The following RARB variants were observed in gnomAD, a reference collection of about 807,000 sequenced individuals.
The protein encoded by RARB is HBV-activated protein.
RARB carries 17 observed loss-of-function variants against 51.9 expected under a neutral mutation model. That is an observed-to-expected ratio of 0.33 (90% CI 0.22 to 0.49). The LOEUF (loss-of-function observed/expected upper bound fraction) is 0.49, where lower values mean the gene tolerates loss of function less well. RARB is among the 20% of genes least tolerant of loss of function. RARB has a pLI of 0.99. For missense variants in RARB, 369 were observed against 550.8 expected (o/e 0.67, Z 3.30); for synonymous variants, 215 against 195.4 (o/e 1.10, Z -0.84).
At chr3:25,440,741 C>G (rs1285773608) in intron 1 of RARB, among the ~76,000 whole-genome samples, 2 of 151,846 alleles carry the variant, frequency 1.3e-5, no homozygotes, top group Non-Finnish European at 2.9e-5. Context: ...CCACTGCACT[C>G]CAGTCTGGAT....
At chr3:25,316,825 A>G (rs1323879093) in intron 5 of RARB, among the ~76,000 whole-genome samples, 2 of 152,200 alleles carry the variant, frequency 1.3e-5, no homozygotes, top group African/African-American at 4.8e-5. Context: ...AATGGAACCG[A>G]TGACTATAAA....
chr3:25,409,205 A>G (rs1575379875), intron 5 of RARB, among the ~76,000 whole-genome samples: 2 of 152,214 alleles, frequency 1.3e-5, no homozygotes, highest in African/African-American at 4.8e-5. Flanking sequence ...AAAAATGTGT[A>G]GTTCATTAAT....
rs936249283 is a variant in RARB at position 25,150,101 on chromosome 3, T to C, written c.-280+17893T>C. ...CCTGTAATACCAGCTACTCGGAGGC[T>C]GAGGCAGAAGAATCGCTTGAACCTG... On this transcript the variant is annotated intron_variant, in intron 4 of 11. Transcript: ENST00000383772. Among the ~76,000 whole-genome samples the C allele has an allele frequency of 2.0e-5, 3 of 151,554 alleles. No homozygotes were observed. The East Asian group carries it at 5.8e-4, about 29-fold the overall frequency.
At chr3:24,966,249 G>T (rs1364085335) in intron 2 of RARB, among the ~76,000 whole-genome samples, 4 of 152,072 alleles carry the variant, frequency 2.6e-5, no homozygotes, top group African/African-American at 9.7e-5. Flanking sequence ...GGAGGGGGAG[G>T]TGAAAGAGAC....
At chr3:25,212,555 T>G (rs1264261121) in intron 5 of RARB, among the ~76,000 whole-genome samples, 1 of 152,010 alleles carries the variant, frequency 6.6e-6, no homozygotes, top group Non-Finnish European at 1.5e-5. Flanking sequence ...GAGGCGGAGG[T>G]TGCAGTGAGC....
chr3:25,120,226 A>ATGGCAAC (rs1267910901), intron 3 of RARB, among the ~76,000 whole-genome samples: 1 of 152,136 alleles, frequency 6.6e-6, no homozygotes, highest in Non-Finnish European at 1.5e-5. Context: ...AAGACGATAA[A>ATGGCAAC]TGGCAACTGA....
chr3:25,277,296 G>C (rs1703419310), intron 5 of RARB, among the ~76,000 whole-genome samples: 1 of 152,104 alleles, frequency 6.6e-6, no homozygotes, highest in Non-Finnish European at 1.5e-5. Flanking sequence ...GCGTAGCCTG[G>C]GACATGGAGT....
chr3:24,951,589 C>G (rs1343024584), intron 2 of RARB, among the ~76,000 whole-genome samples: 1 of 152,162 alleles, frequency 6.6e-6, no homozygotes, highest in East Asian at 1.9e-4. Flanking sequence ...TCTTACATCC[C>G]TCTACTAGGC....
In RARB at chr3:25,298,340, G is replaced by A. The variant is rs149535701; in HGVS notation, c.178+123765G>A. Among the ~76,000 whole-genome samples, 9 of 152,008 alleles carry A rather than the reference G, an allele frequency of 5.9e-5. No individual in the cohort carries two copies. The East Asian group carries it at 7.8e-4, about 13-fold the overall frequency. The stretch of plus-strand genomic sequence containing the variant: ...TGGGGTTACAGCCACGTGCCACCAC[G>A]CCTGGCTAATTTTTTATTTTTAGTA... On this transcript the variant is annotated intron_variant, in intron 5 of 11. Transcript: ENST00000383772.
chr3:24,972,218 C>T (rs1696415503), intron 2 of RARB, among the ~76,000 whole-genome samples: 1 of 151,976 alleles, frequency 6.6e-6, no homozygotes, highest in South Asian at 2.1e-4. Flanking sequence ...TTTTAGCTCC[C>T]ACATATGAGT....
rs950335483 is a variant in RARB at position 25,597,471 on chromosome 3, T to TTAAG, written c.*857_*860dup. On this transcript the variant is annotated 3_prime_UTR_variant, in exon 8 of 8. Coordinates refer to ENST00000330688, the MANE Select transcript of RARB (RefSeq NM_000965.5). The stretch of plus-strand genomic sequence containing the variant: ...TCCAAGGCAGAAACACTTTTCAGTG[T>TTAAG]TAAGTTTTTGTTTACTTGTTCACAA... 15 of 152,692 alleles carry TTAAG rather than the reference T, an allele frequency of 9.8e-5. No homozygotes were observed. Among genetic ancestry groups the TTAAG allele is most frequent in the African/African-American group, 2.2e-4 (9 of 41,562 alleles). 9.5% of individuals were successfully genotyped at this position (152,692 alleles called of 1,614,324 possible). A position where few individuals can be genotyped will look rare whatever the true frequency, so the allele number is the denominator to read the frequency against.
chr3:25,509,950 A>G (rs375670926), intron 3 of RARB, among the ~76,000 whole-genome samples: 12 of 151,282 alleles, frequency 7.9e-5, no homozygotes, highest in African/African-American at 2.9e-4. Context: ...CTCCCAACCA[A>G]CTCCTGTCCA....
intron 1 of RARB, chr3:25,441,351 A>C: frequency 2.9e-6 from 1 of 344,632 alleles, no homozygotes; most frequent in South Asian, 2.7e-5. Flanking sequence ...AAGTTTGCGA[A>C]TCAGTTCACT....
chr3:25,137,102 A>G (rs1350437957), intron 4 of RARB, among the ~76,000 whole-genome samples: 4 of 152,168 alleles, frequency 2.6e-5, no homozygotes, highest in Middle Eastern at 3.4e-3. Flanking sequence ...ATCTCAGGCT[A>G]TTTAATGCCG....
chr3:24,930,546 G>A (rs1451358759), intron 2 of RARB, among the ~76,000 whole-genome samples: 3 of 151,994 alleles, frequency 2.0e-5, no homozygotes, highest in South Asian at 2.1e-4. Context: ...CTCCTTCAAC[G>A]TTTTATCCCC....
rs763114876 is a variant in RARB, at chr3:24,891,335, G to A, written c.-380+32583G>A. ...TTCTAGCACCTAGCATGTCTACATT[G>A]GAAGCTTGTCTGTTCTGCTTACTAA... On this transcript the variant is annotated intron_variant, in intron 2 of 11. Transcript: ENST00000383772. Among the ~76,000 whole-genome samples, 8 of 152,062 alleles carry A rather than the reference G, an allele frequency of 5.3e-5. No homozygotes were observed. In the South Asian group the frequency reaches 1.0e-3, roughly 20 times the overall value.
chr3:25,196,990 G>A (rs1340027406), intron 5 of RARB, among the ~76,000 whole-genome samples: 2 of 152,162 alleles, frequency 1.3e-5, no homozygotes, highest in Middle Eastern at 3.4e-3. Context: ...TGGATAGATT[G>A]CAAAAATTTT....
intron 5 of RARB, among the ~76,000 whole-genome samples, chr3:25,378,956 A>G (rs1337290794): frequency 6.6e-6 from 1 of 152,236 alleles, no homozygotes; most frequent in Non-Finnish European, 1.5e-5. Flanking sequence ...TGAATGTAGA[A>G]TATCCTCTGT....
At chr3:25,449,186 T>C in intron 1 of RARB, among the ~76,000 whole-genome samples, 1 of 152,000 alleles carries the variant, frequency 6.6e-6, no homozygotes, top group East Asian at 1.9e-4. Context: ...CTGACAGTGT[T>C]CAGCCACACG....
Sources: allele counts gnomAD v4.1 joint callset (sites outside exome capture counted in the v4.1 genomes callset), GRCh38; gene constraint gnomAD v4.1.1; transcripts MANE v1.5; gene names NCBI Gene and HGNC (gene_info 2026-07-23, HGNC 2026-07-21).